Variants in TNRC6C observed in about 807,000 individuals in gnomAD.
TNRC6C encodes the protein trinucleotide repeat containing adaptor 6C.
In TNRC6C, 20 loss-of-function variants were observed where a neutral mutation model predicts 153.7. That is an observed-to-expected ratio of 0.13 (90% confidence interval 0.09 to 0.19). The LOEUF (loss-of-function observed/expected upper bound fraction) is 0.19. Ranked by LOEUF, TNRC6C falls within the 10% of genes least tolerant of loss-of-function variation. The probability of loss-of-function intolerance (pLI) is 1.00; values close to 1 mark genes in which losing one functional copy is unlikely to be tolerated. For synonymous variants in TNRC6C, 811 were observed against 841.4 expected (o/e 0.96, Z 0.63); for missense variants, 1,987 against 2,172.0 (o/e 0.91, Z 1.69).
intron 1 of TNRC6C, among the ~76,000 whole-genome samples, chr17:78,029,433 C>T (rs1016319552): frequency 6.6e-6 from 1 of 152,120 alleles, no homozygotes; most frequent in Non-Finnish European, 1.5e-5. Flanking sequence ...TTTATGTTAT[C>T]TAAACATAGG....
At chr17:78,023,872 G>A (rs771549670) in intron 1 of TNRC6C, among the ~76,000 whole-genome samples, 12 of 152,146 alleles carry the variant, frequency 7.9e-5, no homozygotes, top group Non-Finnish European at 1.8e-4. Flanking sequence ...CACTTTGAAA[G>A]GCCAGGGTGG....
At chr17:77,980,884 C>G (rs2071066437) in intron 1 of TNRC6C, among the ~76,000 whole-genome samples, 1 of 152,250 alleles carries the variant, frequency 6.6e-6, no homozygotes, top group Admixed American at 6.5e-5. Flanking sequence ...CATGCCCTCT[C>G]TGTTGCACCG....
intron 1 of TNRC6C, among the ~76,000 whole-genome samples, chr17:78,025,444 G>A (rs1394605822): frequency 4.6e-5 from 7 of 152,090 alleles, no homozygotes; most frequent in African/African-American, 1.7e-4. Flanking sequence ...TTTAAATCAC[G>A]TAATGTTCCA....
At position 78,075,016 on chromosome 17, in the gene TNRC6C, T is replaced by C; in HGVS notation, c.2918-120T>C. On this transcript the variant is annotated intron_variant, in intron 7 of 19. Coordinates refer to ENST00000301624, the Ensembl canonical transcript of TNRC6C. The surrounding 1 kb of genome is among the most constrained non-coding windows in gnomAD (Gnocchi z 4.2). The stretch of plus-strand genomic sequence containing the variant: ...GCAAGGGCTCTCTCTGCCCCTGGCT[T>C]CCCTGTGTTTGAAGGGGTGGAGGGT... 7.7e-7 allele frequency: 1 copy of C among 1,296,912 alleles called. No individual in the cohort carries two copies. The highest frequency in any genetic ancestry group is 2.5e-5 in the East Asian group (1 of 39,372). 80.3% of individuals were successfully genotyped at this position (1,296,912 alleles called of 1,614,324 possible).
chr17:78,051,339 TACC>T (rs573114195), exon 3 of TNRC6C: 99 of 1,535,728 alleles, frequency 6.4e-5, no homozygotes, highest in Middle Eastern at 1.7e-4. Context: ...CCACGACCAA[TACC>T]ACCACCACCA....
chr17:78,015,290 G>A (rs1288669963), intron 1 of TNRC6C, among the ~76,000 whole-genome samples: 3 of 152,158 alleles, frequency 2.0e-5, no homozygotes, highest in African/African-American at 7.2e-5. Context: ...ACGTCCTGTT[G>A]ACAGAGGTGG....
At chr17:77,988,527 A>T (rs1477111490) in intron 1 of TNRC6C, among the ~76,000 whole-genome samples, 1 of 152,250 alleles carries the variant, frequency 6.6e-6, no homozygotes, top group Non-Finnish European at 1.5e-5. Context: ...AAAAACTCAC[A>T]GCTTCCATTT....
intron 1 of TNRC6C, among the ~76,000 whole-genome samples, chr17:77,959,605 T>A (rs1277631740): frequency 6.6e-6 from 1 of 152,030 alleles, no homozygotes; most frequent in Non-Finnish European, 1.5e-5. Flanking sequence ...CCCCGCAGAT[T>A]TTGCACTGGT....
At chr17:78,054,112 T>A (rs764042773) in intron 3 of TNRC6C, among the ~76,000 whole-genome samples, 12 of 152,170 alleles carry the variant, frequency 7.9e-5, no homozygotes, top group Non-Finnish European at 1.8e-4. Context: ...TAGGCAGTTG[T>A]AGGACGATGG....
In TNRC6C at chr17:77,976,807, T is replaced by C. The variant is rs549535165; in HGVS notation, c.-38+17539T>C. 2.4e-4 allele frequency among the ~76,000 whole-genome samples: 37 copies of C among 151,948 alleles called. No individual in the cohort carries two copies. The East Asian group carries it at 7.2e-3, about 29-fold the overall frequency. On this transcript the variant is annotated intron_variant, in intron 1 of 22. Transcript: ENST00000636222. ...ATCTGGGCGTGGTGGCAGGTGCTTA[T>C]AATCCCAGCTATTGGGGAGGCTGAG...
At chr17:78,001,255 A>G (rs939132614), upstream of TNRC6C, among the ~76,000 whole-genome samples, 2 of 152,236 alleles carry the variant, frequency 1.3e-5, no homozygotes, top group African/African-American at 2.4e-5. Flanking sequence ...ATACCTCACC[A>G]TACCATATGA....
At chr17:77,968,638 C>T (rs868480470) in intron 1 of TNRC6C, among the ~76,000 whole-genome samples, 5 of 152,150 alleles carry the variant, frequency 3.3e-5, no homozygotes, top group Non-Finnish European at 5.9e-5. Context: ...CCACCGTGCC[C>T]GGCCCGAGAT....
intron 11 of TNRC6C, among the ~76,000 whole-genome samples, chr17:78,084,264 A>C (rs1252322302): frequency 6.7e-6 from 1 of 150,110 alleles, no homozygotes; most frequent in Non-Finnish European, 1.5e-5. Context: ...TGGGCGACAG[A>C]GCAAGACTCC....
chr17:78,075,358 C>A lies in TNRC6C; in HGVS notation c.3060+80C>A. The A allele has an allele frequency of 6.8e-7, 1 of 1,478,876 alleles. No homozygotes were observed. Among genetic ancestry groups the A allele is most frequent in the Admixed American group, 2.4e-5 (1 of 42,098 alleles). The allele number at this position is 1,478,876 out of a possible 1,614,324, so 91.6% of individuals were successfully genotyped here. A position where few individuals can be genotyped will look rare whatever the true frequency, so the allele number is the denominator to read the frequency against. Reference sequence around the variant, plus strand: ...TTTCAACTGTGTCCTTAATACAAGCCAGATTAAAAACTTGCTGGACTATAA... The same window carrying A: ...TTTCAACTGTGTCCTTAATACAAGCAAGATTAAAAACTTGCTGGACTATAA... On this transcript the variant is annotated intron_variant, in intron 8 of 19. Transcript: ENST00000301624. The surrounding 1 kb of genome is among the most constrained non-coding windows in gnomAD (Gnocchi z 4.2).
intron 2 of TNRC6C, among the ~76,000 whole-genome samples, chr17:78,040,859 G>C (rs1304532145): frequency 6.6e-6 from 1 of 152,212 alleles, no homozygotes; most frequent in Non-Finnish European, 1.5e-5. Flanking sequence ...TGAAGGGGAT[G>C]AGTCGGGTGC....
intron 1 of TNRC6C, among the ~76,000 whole-genome samples, chr17:77,972,613 A>T (rs765357355): frequency 6.6e-6 from 1 of 152,214 alleles, no homozygotes; most frequent in East Asian, 1.9e-4. Flanking sequence ...GATGATTTAG[A>T]TGAAAGTACA....
intron 5 of TNRC6C, among the ~76,000 whole-genome samples, chr17:78,069,832 G>A (rs769002390): frequency 5.9e-5 from 9 of 151,706 alleles, no homozygotes; most frequent in East Asian, 3.8e-4. Context: ...GGAAGAAAAC[G>A]TGTGTGTGTG....
Position 78,078,793 on chromosome 17 carries a change from C to T in TNRC6C, c.3211-602C>T, listed in dbSNP as rs572312988. On this transcript the variant is annotated intron_variant, in intron 9 of 19. Transcript: ENST00000301624. ...CAGCCAGGACAACATGGCAAAACCC[C>T]GTCTCTACTAAAAACACAAAAATTC... Among the ~76,000 whole-genome samples the T allele has an allele frequency of 5.3e-5, 8 of 152,124 alleles. No homozygotes were observed. In the South Asian group the frequency reaches 8.3e-4, roughly 16 times the overall value.
In TNRC6C at chr17:78,069,427, CAG is replaced by C. The variant is rs1056722517; in HGVS notation, c.2778+1507_2778+1508del. 5.9e-5 allele frequency among the ~76,000 whole-genome samples: 9 copies of C among 152,264 alleles called. No homozygotes were observed. In the South Asian group the frequency reaches 1.0e-3, roughly 18 times the overall value. On this transcript the variant is annotated intron_variant, in intron 5 of 19. Coordinates refer to ENST00000301624, the Ensembl canonical transcript of TNRC6C. ...TTATTTAAAAAAATTTTTTTAGAGA[CAG>C]AGTCTTGCTGTGTCACCTTAGGGGC...
Sources: allele counts gnomAD v4.1 joint callset (sites outside exome capture counted in the v4.1 genomes callset), GRCh38; gene constraint gnomAD v4.1.1; non-coding constraint Gnocchi (gnomAD v3.1); transcripts MANE v1.5; gene names NCBI Gene and HGNC (gene_info 2026-07-23, HGNC 2026-07-21).